DST: variants seen among roughly 807,000 people sequenced by gnomAD.
DST encodes the protein dystonin.
DST carries 253 observed loss-of-function variants against 875.2 expected under a neutral mutation model. That is an observed-to-expected ratio of 0.29 (90% CI 0.26 to 0.32). The LOEUF (loss-of-function observed/expected upper bound fraction) is 0.32. Ranked by LOEUF, DST falls within the 10% of genes least tolerant of loss-of-function variation. The pLI, the probability that DST is intolerant of heterozygous loss-of-function variation, is 1.00. For missense variants in DST, 8,287 were observed against 9,111.6 expected (o/e 0.91, Z 3.68); for synonymous variants, 3,124 against 3,197.1 (o/e 0.98, Z 0.77).
chr6:56,814,650 T>G (rs1335457970), intron 4 of DST, among the ~76,000 whole-genome samples: 4 of 152,192 alleles, frequency 2.6e-5, no homozygotes, highest in Admixed American at 1.3e-4. Flanking sequence ...AAAGCCTAAT[T>G]GCACCACGCC....
At chr6:56,805,899 G>A (rs1590845009) in intron 4 of DST, among the ~76,000 whole-genome samples, 1 of 152,324 alleles carries the variant, frequency 6.6e-6, no homozygotes, top group East Asian at 1.9e-4. Flanking sequence ...TCTTTCTGAA[G>A]TTAAATCATG....
At chr6:56,687,305 G>A (rs1161355265) in intron 9 of DST, among the ~76,000 whole-genome samples, 1 of 152,158 alleles carries the variant, frequency 6.6e-6, no homozygotes, top group Non-Finnish European at 1.5e-5. Flanking sequence ...AAGTCAAAAA[G>A]GTCATGCTCA....
intron 4 of DST, among the ~76,000 whole-genome samples, chr6:56,738,703 C>T (rs34086321): frequency 0.011 from 1,695 of 152,006 alleles, 13 homozygotes; most frequent in Non-Finnish European, 0.019. Flanking sequence ...CTTACTGCAA[C>T]CTCCACGTCC....
chr6:56,916,772 T>TCACA (rs1355012094), intron 2 of DST, among the ~76,000 whole-genome samples: 7 of 100,606 alleles, frequency 7.0e-5, no homozygotes, highest in African/African-American at 2.9e-4. Flanking sequence ...TCTCTCTCTC[T>TCACA]CTCTCTCACA....
rs551575978 is a variant in DST at position 56,901,584 on chromosome 6, G to A, written c.217-963C>T. On this transcript the variant is annotated intron_variant, in intron 2 of 103. Coordinates refer to ENST00000680361, the MANE Select transcript of DST (RefSeq NM_001374736.1). ...CACTCCAGCCCAGGTGACAGAGTGA[G>A]ACTCCATCTAAAAAATAAAATAAAA... is the stretch of plus-strand genomic sequence containing the variant. 8.5e-5 allele frequency among the ~76,000 whole-genome samples: 13 copies of A among 152,222 alleles called. No individual in the cohort carries two copies. The South Asian group carries it at 2.7e-3, about 32-fold the overall frequency.
At position 56,670,739 on chromosome 6, in the gene DST, C is replaced by T. The variant is rs992119798; in HGVS notation, c.1116G>A (p.Thr372=). 9.3e-6 allele frequency: 15 copies of T among 1,610,364 alleles called. No individual in the cohort carries two copies. In the East Asian group the frequency reaches 1.1e-4, roughly 12 times the overall value. ...CAGCATAACCCTCTGTTGCCTGCTG[C>T]GTCCAGAGTAGCAATCTCTCTTTTG... is the stretch of plus-strand genomic sequence containing the variant. The part of the protein sequence containing the change: ...MSAKERLLLW[T]QQATEGYAGI... Residue 372 remains threonine (T), a synonymous_variant, in exon 10 of 104, where the codon ACG becomes ACA. Transcript: ENST00000680361.
intron 22 of DST, among the ~76,000 whole-genome samples, chr6:56,638,517 T>A (rs563976957): frequency 1.3e-5 from 2 of 152,284 alleles, no homozygotes; most frequent in Non-Finnish European, 2.9e-5. Flanking sequence ...AGCATCATTT[T>A]TTTTCCTCTG....
intron 3 of DST, among the ~76,000 whole-genome samples, chr6:56,888,653 A>G (rs2080733698): frequency 6.6e-6 from 1 of 152,228 alleles, no homozygotes. Flanking sequence ...TCAAGAGATC[A>G]AGGATATATG....
chr6:56,783,523 T>G (rs1281034394), intron 4 of DST, among the ~76,000 whole-genome samples: 2 of 152,210 alleles, frequency 1.3e-5, no homozygotes, highest in African/African-American at 4.8e-5. Flanking sequence ...TAAAGTCTGT[T>G]TTACCAGAGA....
At chr6:56,599,264 T>C (rs1485465427) in intron 45 of DST, among the ~76,000 whole-genome samples, 1 of 152,074 alleles carries the variant, frequency 6.6e-6, no homozygotes. Context: ...GATTTTTCCA[T>C]GTAGTTTTTC....
intron 2 of DST, among the ~76,000 whole-genome samples, chr6:56,920,406 C>G (rs1023693412): frequency 1.3e-5 from 2 of 152,208 alleles, no homozygotes; most frequent in African/African-American, 4.8e-5. Flanking sequence ...TAGAGTCACA[C>G]ACATCTGCAT....
rs956457866 is a variant in DST at position 56,631,742 on chromosome 6, A to T, written c.3963+141T>A. On this transcript the variant is annotated intron_variant, in intron 29 of 103. Transcript: ENST00000680361. ...GACTGAATCCTAGTTTATAATCAGC[A>T]ATAATTACACAATCAGACCTCACCT... The T allele has an allele frequency of 1.5e-5, 11 of 757,450 alleles. No homozygotes were observed. The East Asian group carries it at 2.9e-4, about 20-fold the overall frequency. 46.9% of individuals were successfully genotyped at this position (757,450 alleles called of 1,614,324 possible).
intron 3 of DST, among the ~76,000 whole-genome samples, chr6:56,889,335 C>T (rs1439777313): frequency 1.2e-4 from 18 of 152,216 alleles, no homozygotes. Flanking sequence ...CTGCTTCTTC[C>T]TTTGTGCTTA....
intron 9 of DST, among the ~76,000 whole-genome samples, chr6:56,674,088 G>A (rs923574257): frequency 2.0e-5 from 3 of 152,182 alleles, no homozygotes; most frequent in Non-Finnish European, 4.4e-5. Flanking sequence ...CAGCAGAACA[G>A]CCTGAATCTT....
chr6:56,930,511 T>C (rs1049243382), intron 2 of DST, among the ~76,000 whole-genome samples: 1 of 152,232 alleles, frequency 6.6e-6, no homozygotes, highest in Admixed American at 6.5e-5. Flanking sequence ...CCTTTTTGTA[T>C]ACAATATTCA....
At position 56,477,457 on chromosome 6, in the gene DST, G is replaced by A. The variant is rs776264458; in HGVS notation, c.21563C>T (p.Ala7188Val). 1.2e-6 allele frequency: 2 copies of A among 1,613,942 alleles called. No homozygotes were observed. The highest frequency in any genetic ancestry group is 1.7e-6 in the Non-Finnish European group (2 of 1,179,874). ...EFMKKLEEKR[A>V]ELNKATTMGD... ...CATAGTGGTGGCTTTATTTAGTTCA[G>A]CTCTCTTTTCTTCCAGTTTCTTCAT... Residue 7188 changes from alanine to valine, a missense_variant, in exon 91 of 104, where the codon GCT becomes GTT. By Grantham distance (64) the Ala-to-Val change is moderately conservative. Around this residue, in one of 10 missense-constraint regions of DST, gnomAD observed 1,292 missense variants for 1,552.7 expected, o/e 0.83. Coordinates refer to ENST00000680361, the MANE Select transcript of DST (RefSeq NM_001374736.1).
intron 5 of DST, among the ~76,000 whole-genome samples, chr6:56,707,083 G>A (rs1379650232): frequency 6.6e-6 from 1 of 152,196 alleles, no homozygotes; most frequent in Non-Finnish European, 1.5e-5. Flanking sequence ...AGGAGGCAGA[G>A]CTCAGGTGGT....
At chr6:56,587,840 A>C (rs982928202) in intron 49 of DST, among the ~76,000 whole-genome samples, 13 of 152,210 alleles carry the variant, frequency 8.5e-5, no homozygotes, top group African/African-American at 2.4e-4. Context: ...GAAATAAAAT[A>C]CTTTACAGAC....
At chr6:56,545,155 ACTACACCTGG>A (rs913271850) in intron 61 of DST, among the ~76,000 whole-genome samples, 3 of 151,618 alleles carry the variant, frequency 2.0e-5, no homozygotes, top group African/African-American at 7.3e-5. Context: ...GATGCGCACC[ACTACACCTGG>A]CTAATTTTAA....
Sources: gnomAD v4.1 joint callset for allele counts (sites outside exome capture counted in the v4.1 genomes callset) on GRCh38, gnomAD v4.1.1 for gene constraint, gnomAD v4.1.1 regional missense constraint, MANE v1.5 for transcripts, NCBI Gene and HGNC (gene_info 2026-07-23, HGNC 2026-07-21) for gene names.